The following THSD7B variants were observed in gnomAD, a reference collection of about 807,000 sequenced individuals.
THSD7B encodes thrombospondin type-1 domain-containing protein 7B.
THSD7B carries 138 observed loss-of-function variants against 213.6 expected under a neutral mutation model. The observed-to-expected ratio is 0.65, with a 90% CI of 0.56 to 0.74. The LOEUF (loss-of-function observed/expected upper bound fraction) is 0.74. THSD7B is among the 30% of genes least tolerant of loss of function. THSD7B has a pLI of 0.00. For synonymous variants in THSD7B, 742 were observed against 687.0 expected, an observed-to-expected ratio of 1.08 and a Z score of -1.25; for missense variants, 1,931 against 1,991.5, an observed-to-expected ratio of 0.97 and a Z score of 0.58.
intron 12 of THSD7B, among the ~76,000 whole-genome samples, chr2:137,286,496 G>A (rs1573935121): frequency 6.6e-6 from 1 of 152,262 alleles, no homozygotes; most frequent in African/African-American, 2.4e-5. Context: ...TGGAACATTG[G>A]ACTTTCATTC....
chr2:137,068,478 C>T (rs923724046), intron 3 of THSD7B, among the ~76,000 whole-genome samples: 5 of 152,072 alleles, frequency 3.3e-5, no homozygotes, highest in Admixed American at 6.6e-5. Context: ...TTGACAGTTA[C>T]GTGATCCCAT....
chr2:137,255,193 A>T (rs1402896984), intron 10 of THSD7B, among the ~76,000 whole-genome samples: 1 of 152,158 alleles, frequency 6.6e-6, no homozygotes, highest in African/African-American at 2.4e-5. Flanking sequence ...ATCAAAGCAG[A>T]GGGAGATCAA....
At chr2:137,035,561 T>C (rs1443975562) in intron 2 of THSD7B, among the ~76,000 whole-genome samples, 2 of 151,098 alleles carry the variant, frequency 1.3e-5, no homozygotes, top group Non-Finnish European at 2.9e-5. Flanking sequence ...TGTTTTGTTT[T>C]GTTTTTTTTT....
intron 12 of THSD7B, among the ~76,000 whole-genome samples, chr2:137,282,103 G>A (rs1683036475): frequency 6.6e-6 from 1 of 152,012 alleles, no homozygotes; most frequent in African/African-American, 2.4e-5. Flanking sequence ...ATTCTAACTG[G>A]TGTGAGATGG....
At chr2:136,776,793 GAAA>G (rs1047547391) in intron 1 of THSD7B, among the ~76,000 whole-genome samples, 14 of 152,274 alleles carry the variant, frequency 9.2e-5, no homozygotes, top group African/African-American at 3.4e-4. Context: ...TAGGCTGATG[GAAA>G]TATGGTAGAG....
chr2:137,274,147 T>C (rs1162811023), intron 11 of THSD7B, among the ~76,000 whole-genome samples: 1 of 152,134 alleles, frequency 6.6e-6, no homozygotes, highest in African/African-American at 2.4e-5. Flanking sequence ...TAGTTCAAAA[T>C]GTATCCAAGT....
At chr2:137,081,810 G>T (rs577584014) in intron 3 of THSD7B, among the ~76,000 whole-genome samples, 1 of 152,062 alleles carries the variant, frequency 6.6e-6, no homozygotes, top group Non-Finnish European at 1.5e-5. Flanking sequence ...CATGAATAAG[G>T]TTTCTATTTC....
At chr2:136,942,017 T>G (rs1573723816) in intron 2 of THSD7B, among the ~76,000 whole-genome samples, 1 of 152,230 alleles carries the variant, frequency 6.6e-6, no homozygotes, top group Non-Finnish European at 1.5e-5. Flanking sequence ...TTGAATTAAT[T>G]TTTGTATAAG....
At chr2:137,642,251 T>G (rs1369209625) in intron 20 of THSD7B, 1 of 447,758 alleles carries the variant, frequency 2.2e-6, no homozygotes, top group African/African-American at 2.0e-5. Flanking sequence ...ACGTTTGTAC[T>G]TTGAAGACTA....
At chr2:136,829,060 C>T (rs2435390) in intron 1 of THSD7B, among the ~76,000 whole-genome samples, 42,562 of 151,900 alleles carry the variant, frequency 0.28, 6,513 homozygotes, top group Non-Finnish European at 0.35. Context: ...CACTCTATTA[C>T]GTATGAGTCT....
chr2:137,142,503 G>T (rs531004861), intron 5 of THSD7B, among the ~76,000 whole-genome samples: 4 of 152,244 alleles, frequency 2.6e-5, no homozygotes, highest in African/African-American at 7.2e-5. Flanking sequence ...GTAGCAAGAA[G>T]ACTTTGAGAA....
At chr2:137,549,308 C>CTTTTTTTTTTTTTTTTTTTTTTTT (rs1680797969) in intron 15 of THSD7B, among the ~76,000 whole-genome samples, 1 of 100,178 alleles carries the variant, frequency 1.0e-5, no homozygotes. Flanking sequence ...TTTTCAGATG[C>CTTTTTTTTTTTTTTTTTTTTTTTT]TCTTTTTTTT....
At chr2:137,643,846 G>C (rs1682982031) in intron 21 of THSD7B, among the ~76,000 whole-genome samples, 1 of 152,170 alleles carries the variant, frequency 6.6e-6, no homozygotes, top group Non-Finnish European at 1.5e-5. Flanking sequence ...CACACTCCAA[G>C]TTTTACCAAA....
chr2:137,418,770 A>G (rs538432310), intron 14 of THSD7B, among the ~76,000 whole-genome samples: 32 of 152,304 alleles, frequency 2.1e-4, no homozygotes, highest in African/African-American at 6.0e-4. Flanking sequence ...CCCACATATA[A>G]GTGAGGACAT....
chr2:137,549,986 G>T lies in THSD7B; in HGVS notation c.3139-13235G>T, dbSNP rs140346003. ...TATGAAAATTGGAAGGACCACCATGGCTGGAGTCCCTGGCACGCCGTGAAC... is the reference window on the plus strand; with the variant it reads ...TATGAAAATTGGAAGGACCACCATGTCTGGAGTCCCTGGCACGCCGTGAAC... On this transcript the variant is annotated intron_variant, in intron 15 of 27. Transcript: ENST00000409968. Among the ~76,000 whole-genome samples, 747 of 152,026 alleles carry T rather than the reference G, an allele frequency of 4.9e-3. 6 individuals carry two copies. The highest frequency in any genetic ancestry group is 0.017 in the African/African-American group (710 of 41,448).
At chr2:137,196,442 A>G (rs976125390) in intron 7 of THSD7B, among the ~76,000 whole-genome samples, 2 of 121,814 alleles carry the variant, frequency 1.6e-5, no homozygotes, top group African/African-American at 6.5e-5. Context: ...TATTCTGGTG[A>G]TGCTACTGTG....
intron 2 of THSD7B, among the ~76,000 whole-genome samples, chr2:136,892,063 T>C (rs1683870312): frequency 6.6e-6 from 1 of 152,032 alleles, no homozygotes. Context: ...GGTCTCGCCA[T>C]ATGGAAGCTT....
intron 1 of THSD7B, among the ~76,000 whole-genome samples, chr2:136,815,173 G>C (rs907648592): frequency 4.6e-5 from 7 of 152,236 alleles, no homozygotes; most frequent in Non-Finnish European, 8.8e-5. Flanking sequence ...TAGAAGGGAA[G>C]TGTAACTCTG....
intron 12 of THSD7B, among the ~76,000 whole-genome samples, chr2:137,360,135 G>A (rs1005116728): frequency 8.5e-5 from 13 of 152,080 alleles, no homozygotes; most frequent in African/African-American, 2.4e-4. Flanking sequence ...CAGGGTCCTC[G>A]GAAACCGTGG....
Sources: gnomAD v4.1 joint callset for allele counts (sites outside exome capture counted in the v4.1 genomes callset) on GRCh38, gnomAD v4.1.1 for gene constraint, MANE v1.5 for transcripts, NCBI Gene and HGNC (gene_info 2026-07-23, HGNC 2026-07-21) for gene names.